Variants in RUFY3 observed in about 807,000 individuals in gnomAD.
RUFY3 encodes RUN and FYVE domain containing 3.
A neutral mutation model predicts 84.0 loss-of-function variants in RUFY3; 34 were observed. That is an observed-to-expected ratio of 0.40 (90% CI 0.31 to 0.54). The LOEUF is 0.54. RUFY3 is among the 20% of genes least tolerant of loss of function. The pLI is 0.39. For missense variants in RUFY3, 507 were observed against 736.8 expected, an observed-to-expected ratio of 0.69 and a Z score of 3.61; for synonymous variants, 242 against 252.9, an observed-to-expected ratio of 0.96 and a Z score of 0.41.
rs553441620 is a variant in RUFY3 at position 70,804,202 on chromosome 4, T to C, written c.1651-146T>C. ...TAGGATTATCCGAGTTGTATTATGG[T>C]GGTAGGACTACCTATTTATAATTGG... On this transcript the variant is annotated intron_variant, in intron 16 of 17. Coordinates refer to ENST00000381006, the MANE Select transcript of RUFY3 (RefSeq NM_001037442.4). The C allele has an allele frequency of 3.5e-4, 211 of 606,112 alleles. 1 individual carries two copies. The African/African-American group carries it at 3.6e-3, about 10-fold the overall frequency. The allele number at this position is 606,112 out of a possible 1,614,324, so 37.5% of individuals were successfully genotyped here.
intron 1 of RUFY3, among the ~76,000 whole-genome samples, chr4:70,736,863 C>T (rs927710673): frequency 3.3e-5 from 5 of 152,116 alleles, no homozygotes; most frequent in African/African-American, 4.8e-5. Context: ...TGAGCCACTG[C>T]GCCTGGCCTG....
chr4:70,760,119 T>C (rs1391089624), intron 1 of RUFY3, among the ~76,000 whole-genome samples: 2 of 152,186 alleles, frequency 1.3e-5, no homozygotes, highest in Non-Finnish European at 2.9e-5. Context: ...ATATCAGAAA[T>C]TTAATTCCCA....
At chr4:70,727,530 A>G (rs1718468663) in intron 1 of RUFY3, among the ~76,000 whole-genome samples, 1 of 150,624 alleles carries the variant, frequency 6.6e-6, no homozygotes, top group Non-Finnish European at 1.5e-5. Context: ...TAATTTTTGT[A>G]TTTTTAGTAG....
At chr4:70,756,002 A>G (rs1723954836) in intron 1 of RUFY3, among the ~76,000 whole-genome samples, 1 of 151,914 alleles carries the variant, frequency 6.6e-6, no homozygotes, top group Non-Finnish European at 1.5e-5. Flanking sequence ...CAGTCAACAT[A>G]ATGTATTATT....
intron 14 of RUFY3, 58 bp from the exon 15 acceptor site, chr4:70,800,083 C>T: frequency 6.6e-7 from 1 of 1,506,864 alleles, no homozygotes; most frequent in Non-Finnish European, 9.1e-7. Context: ...AAAATATTTG[C>T]AATATCATTA....
At chr4:70,795,662 T>A (rs1346512881) in intron 14 of RUFY3, among the ~76,000 whole-genome samples, 1 of 152,214 alleles carries the variant, frequency 6.6e-6, no homozygotes, top group Non-Finnish European at 1.5e-5. Flanking sequence ...AAACTTTATT[T>A]CTCAACCTAA....
At chr4:70,714,562 A>G (rs1018229251) in intron 1 of RUFY3, among the ~76,000 whole-genome samples, 1 of 152,182 alleles carries the variant, frequency 6.6e-6, no homozygotes, top group East Asian at 1.9e-4. Context: ...GGGCATAAAT[A>G]TGGTTTGATT....
At chr4:70,788,308 G>A (rs1020282599) in intron 10 of RUFY3, among the ~76,000 whole-genome samples, 5 of 149,696 alleles carry the variant, frequency 3.3e-5, no homozygotes, top group African/African-American at 9.9e-5. Flanking sequence ...AAATCTGTTC[G>A]CCTCGTAACC....
chr4:70,773,360 A>G (rs1314812198), intron 5 of RUFY3, 151 bp from the exon 6 acceptor site: 1 of 584,456 alleles, frequency 1.7e-6, no homozygotes, highest in African/African-American at 1.9e-5. Flanking sequence ...ATTCTTGATT[A>G]AACTGAAAGT....
rs1224910217 is a variant in RUFY3, at chr4:70,787,186, AAAT to A, written c.1072-1618_1072-1616del. On this transcript the variant is annotated intron_variant, in intron 10 of 17. Transcript: ENST00000381006. Reference sequence around the variant, plus strand: ...TGTCTCAGAAAAAAAAAAAAAAAAAAAATATATATATATATATATATATATATA... The same window carrying A: ...TGTCTCAGAAAAAAAAAAAAAAAAAAATATATATATATATATATATATATA... Among the ~76,000 whole-genome samples, 139 of 113,756 alleles carry A rather than the reference AAAT, an allele frequency of 1.2e-3. 1 individual carries two copies. Among genetic ancestry groups the A allele is most frequent in the African/African-American group, 3.1e-3 (84 of 27,464 alleles). The allele number at this position is 113,756 out of a possible 152,430, so 74.6% of individuals were successfully genotyped here.
intron 1 of RUFY3, among the ~76,000 whole-genome samples, chr4:70,712,207 CTG>C (rs1436776223): frequency 1.3e-5 from 2 of 152,072 alleles, no homozygotes; most frequent in Non-Finnish European, 2.9e-5. Flanking sequence ...AAAGATGTGA[CTG>C]TAAGATAATA....
At chr4:70,754,459 T>A (rs561491666) in intron 1 of RUFY3, among the ~76,000 whole-genome samples, 2 of 152,216 alleles carry the variant, frequency 1.3e-5, no homozygotes, top group African/African-American at 4.8e-5. Flanking sequence ...GAGACGCCAT[T>A]AAGAATAGAT....
intron 17 of RUFY3, among the ~76,000 whole-genome samples, chr4:70,804,666 C>T (rs1048089707): frequency 6.6e-6 from 1 of 151,464 alleles, no homozygotes; most frequent in Admixed American, 6.6e-5. Context: ...GCCTGTAATC[C>T]CAGCATTTTG....
chr4:70,762,258 T>A (rs912375587), intron 1 of RUFY3, among the ~76,000 whole-genome samples: 2 of 152,150 alleles, frequency 1.3e-5, no homozygotes, highest in African/African-American at 4.8e-5. Context: ...GAGGCTACAG[T>A]GAGCTATGAT....
chr4:70,762,373 T>G, intron 1 of RUFY3, 146 bp from the exon 2 acceptor site: 3 of 669,630 alleles, frequency 4.5e-6, no homozygotes, highest in South Asian at 4.3e-5. Context: ...ATAGTTCATT[T>G]TACTGCTTCA....
chr4:70,756,578 C>G (rs969523758), intron 1 of RUFY3, among the ~76,000 whole-genome samples: 1 of 152,038 alleles, frequency 6.6e-6, no homozygotes, highest in African/African-American at 2.4e-5. Flanking sequence ...CTATTCCTTC[C>G]ATCCTGTTCC....
upstream of RUFY3, among the ~76,000 whole-genome samples, chr4:70,720,665 A>G (rs1273750738): frequency 6.6e-5 from 10 of 152,324 alleles, no homozygotes; most frequent in African/African-American, 2.4e-4. Flanking sequence ...TCTGATAACA[A>G]TCCCTAGAAA....
chr4:70,735,238 G>C (rs1720080791), intron 1 of RUFY3, among the ~76,000 whole-genome samples: 1 of 152,194 alleles, frequency 6.6e-6, no homozygotes, highest in East Asian at 1.9e-4. Context: ...CCTCCTGAGG[G>C]GGAGGTGGAG....
At chr4:70,804,059 T>C (rs2148823285) in intron 16 of RUFY3, among the ~76,000 whole-genome samples, 1 of 152,268 alleles carries the variant, frequency 6.6e-6, no homozygotes, top group South Asian at 2.1e-4. Context: ...TTCTTGATGG[T>C]AGAGTGAACA....
Sources: allele counts gnomAD v4.1 joint callset (sites outside exome capture counted in the v4.1 genomes callset), GRCh38; gene constraint gnomAD v4.1.1; transcripts MANE v1.5; gene names NCBI Gene and HGNC (gene_info 2026-07-23, HGNC 2026-07-21).